TTLL9: variants seen among roughly 807,000 people sequenced by gnomAD.
The protein encoded by TTLL9 is probable tubulin polyglutamylase TTLL9.
In TTLL9, 47 loss-of-function variants were observed where a neutral mutation model predicts 65.6. The observed-to-expected ratio is 0.72, with a 90% CI of 0.57 to 0.91. The LOEUF (loss-of-function observed/expected upper bound fraction) is 0.91. TTLL9 is among the 40% of genes least tolerant of loss of function. The probability of loss-of-function intolerance (pLI) is 0.00; values close to 1 mark genes in which losing one functional copy is unlikely to be tolerated. For missense variants in TTLL9, 537 were observed against 568.8 expected (o/e 0.94, Z 0.57); for synonymous variants, 179 against 204.8 (o/e 0.87, Z 1.07).
In TTLL9 at chr20:31,870,835, C is replaced by T; in HGVS notation, c.-120C>T. 1 of 538,446 alleles carries T rather than the reference C, an allele frequency of 1.9e-6. No individual in the cohort carries two copies. Among genetic ancestry groups the T allele is most frequent in the Non-Finnish European group, 3.2e-6 (1 of 307,774 alleles). 33.4% of individuals were successfully genotyped at this position (538,446 alleles called of 1,614,324 possible). A position where few individuals can be genotyped will look rare whatever the true frequency, so the allele number is the denominator to read the frequency against. On this transcript the variant is annotated 5_prime_UTR_variant, in exon 1 of 15. Coordinates refer to ENST00000535842, the MANE Select transcript of TTLL9 (RefSeq NM_001008409.5). The surrounding 1 kb of genome is among the most constrained non-coding windows in gnomAD (Gnocchi z 6.6). ...GGCTCTGCCTGGACGTCCCTGCGGG[C>T]CCCGGGGGAAAGCACCCAACTTCTC...
chr20:31,939,300 G>T, intron 14 of TTLL9, 34 bp downstream of exon 14: 1 of 1,611,538 alleles, frequency 6.2e-7, no homozygotes, highest in Non-Finnish European at 8.5e-7. Context: ...GGGCACAAGG[G>T]ATGGGGTCAT....
chr20:31,908,744 G>T, intron 5 of TTLL9, 42 bp downstream of exon 5: 1 of 1,462,346 alleles, frequency 6.8e-7, no homozygotes, highest in South Asian at 1.1e-5. Flanking sequence ...ACCAACTCAT[G>T]TCACTGGGTG....
chr20:31,934,941 C>A, intron 12 of TTLL9, 53 bp downstream of exon 12: 1 of 1,530,376 alleles, frequency 6.5e-7, no homozygotes, highest in Non-Finnish European at 8.9e-7. Flanking sequence ...ACTCGGCACC[C>A]AGACTGCCCA....
chr20:31,914,164 T>C (rs770310074), intron 6 of TTLL9, among the ~76,000 whole-genome samples: 93 of 152,232 alleles, frequency 6.1e-4, no homozygotes, highest in Non-Finnish European at 1.2e-3. Context: ...CACACTAGTT[T>C]ACCCCAACCA....
chr20:31,936,612 C>T (rs1231761607), intron 12 of TTLL9, among the ~76,000 whole-genome samples: 1 of 152,204 alleles, frequency 6.6e-6, no homozygotes, highest in Non-Finnish European at 1.5e-5. Context: ...CTCTCCAGCT[C>T]ACCACAGTCT....
intron 2 of TTLL9, among the ~76,000 whole-genome samples, chr20:31,872,790 T>C (rs1429298813): frequency 6.6e-6 from 1 of 152,200 alleles, no homozygotes; most frequent in Admixed American, 6.5e-5. Context: ...TGGGAATAGC[T>C]TGGCCTCTGT....
At chr20:31,937,589 C>A (rs2064134606) in intron 13 of TTLL9, 80 bp downstream of exon 13, 3 of 1,173,886 alleles carry the variant, frequency 2.6e-6, no homozygotes, top group Non-Finnish European at 3.6e-6. Context: ...GAGCTTAGAA[C>A]CTTGGGGCCT....
intron 2 of TTLL9, among the ~76,000 whole-genome samples, chr20:31,886,216 G>T (rs2063185336): frequency 6.6e-6 from 1 of 152,224 alleles, no homozygotes; most frequent in Non-Finnish European, 1.5e-5. Context: ...ATCATTTTAA[G>T]CCACTGATTT....
In TTLL9 at chr20:31,939,161, C is replaced by A; in HGVS notation, c.1138C>A (p.Arg380=). 1.3e-6 allele frequency: 2 copies of A among 1,595,586 alleles called. No homozygotes were observed. The highest frequency in any genetic ancestry group is 1.7e-5 in the Admixed American group (1 of 58,272). The change falls in exon 14 of 15, where the codon CGA becomes AGA. Residue 380 remains arginine (R), a synonymous_variant. Transcript: ENST00000535842. ...MEARLTGREK[R]VGGFDLMWND... ...GTCCAGGCTCACGGGAAGGGAGAAG[C>A]GAGTCGGGGGCTTTGACCTCATGTG...
At position 31,880,933 on chromosome 20, in the gene TTLL9, G is replaced by A. The variant is rs567819832; in HGVS notation, c.70-6263G>A. ...GCAGTGGTGTTATCTTGGCTCAGTC[G>A]ACTTCCTGGACTCAAGCGATTTTCC... On this transcript the variant is annotated intron_variant, in intron 2 of 14. Coordinates refer to ENST00000535842, the MANE Select transcript of TTLL9 (RefSeq NM_001008409.5). Among the ~76,000 whole-genome samples the A allele has an allele frequency of 2.2e-4, 31 of 143,602 alleles. 1 individual carries two copies. In the South Asian group the frequency reaches 5.2e-3, roughly 24 times the overall value. 94.2% of individuals were successfully genotyped at this position (143,602 alleles called of 152,430 possible). A position where few individuals can be genotyped will look rare whatever the true frequency, so the allele number is the denominator to read the frequency against.
At chr20:31,875,137 A>C (rs1282149098) in intron 2 of TTLL9, among the ~76,000 whole-genome samples, 1 of 152,150 alleles carries the variant, frequency 6.6e-6, no homozygotes, top group African/African-American at 2.4e-5. Flanking sequence ...CATGGCACAC[A>C]AGGAGGCCTT....
chr20:31,879,701 A>G, intron 2 of TTLL9: 2 of 950,078 alleles, frequency 2.1e-6, no homozygotes, highest in Non-Finnish European at 1.5e-6. Flanking sequence ...GGCTGCCAGG[A>G]CGCCCAATAG....
chr20:31,909,794 CGTGAGGCAGGAAA>C lies in TTLL9; in HGVS notation c.378_390del (p.Glu127TrpfsTer23). The C allele has an allele frequency of 6.2e-7, 1 of 1,614,142 alleles. No homozygotes were observed. The highest frequency in any genetic ancestry group is 8.5e-7 in the Non-Finnish European group (1 of 1,180,024). ...GAAGCGGTTCCGGAAGCAGCTGGAG[CGTGAGGCAGGAAA>C]GCTGGAGGCAGCCAAGTGTGACTTC... On this transcript the variant is annotated frameshift_variant, in exon 6 of 15. Coordinates refer to ENST00000535842, the MANE Select transcript of TTLL9 (RefSeq NM_001008409.5). LOFTEE classifies it high-confidence loss of function.
intron 2 of TTLL9, chr20:31,873,014 C>T (rs1179442053): frequency 3.9e-6 from 2 of 518,272 alleles, no homozygotes; most frequent in East Asian, 5.4e-5. Context: ...TGACCCTTTC[C>T]TTTATGGGGG....
intron 12 of TTLL9, among the ~76,000 whole-genome samples, 177 bp from the exon 13 acceptor site, chr20:31,937,219 G>A (rs1167244315): frequency 6.6e-6 from 1 of 151,918 alleles, no homozygotes. Context: ...GACTAGCCTG[G>A]GCAACCTAGC....
intron 6 of TTLL9, among the ~76,000 whole-genome samples, chr20:31,919,084 G>A (rs1187037585): frequency 6.6e-6 from 1 of 152,224 alleles, no homozygotes; most frequent in Non-Finnish European, 1.5e-5. Context: ...GATCTGCTCA[G>A]TGGCTGCAAA....
At chr20:31,920,964 A>G (rs914935679) in intron 7 of TTLL9, among the ~76,000 whole-genome samples, 1 of 152,200 alleles carries the variant, frequency 6.6e-6, no homozygotes. Context: ...GCATGAGAGC[A>G]TTGCTGTCTT....
chr20:31,873,782 GAAAA>G (rs1366146602), intron 2 of TTLL9, among the ~76,000 whole-genome samples: 2 of 139,536 alleles, frequency 1.4e-5, no homozygotes, highest in South Asian at 2.3e-4. Flanking sequence ...AAGAAAGAAA[GAAAA>G]AGAAAGAAAG....
Position 31,937,384 on chromosome 20 carries a change from C to T in TTLL9, c.1005-12C>T, listed in dbSNP as rs1374320434. 1 of 1,610,166 alleles carries T rather than the reference C, an allele frequency of 6.2e-7. No homozygotes were observed. The highest frequency in any genetic ancestry group is 1.7e-5 in the Admixed American group (1 of 59,974). Reference sequence around the variant, plus strand: ...AGTAACCCTAAGACTCTCTACTCCCCTCCCTTCCCAGGTGGCTCCTGGAGG... The same window carrying T: ...AGTAACCCTAAGACTCTCTACTCCCTTCCCTTCCCAGGTGGCTCCTGGAGG... On this transcript the variant is annotated splice_polypyrimidine_tract_variant and intron_variant, in intron 12 of 14. Transcript: ENST00000535842.
Sources: allele counts gnomAD v4.1 joint callset (sites outside exome capture counted in the v4.1 genomes callset), GRCh38; gene constraint gnomAD v4.1.1; non-coding constraint Gnocchi (gnomAD v3.1); transcripts MANE v1.5; gene names NCBI Gene and HGNC (gene_info 2026-07-23, HGNC 2026-07-21).